CWC27: variants seen among roughly 807,000 people sequenced by gnomAD.
The protein encoded by CWC27 is CWC27 spliceosome associated cyclophilin.
CWC27 carries 47 observed loss-of-function variants against 63.6 expected under a neutral mutation model. The observed-to-expected ratio is 0.74, with a 90% CI of 0.58 to 0.94. CWC27 has a LOEUF of 0.94. Ranked by LOEUF, CWC27 falls within the 40% of genes least tolerant of loss-of-function variation. The pLI is 0.00. For missense variants in CWC27, 495 were observed against 554.3 expected (o/e 0.89, Z 1.07); for synonymous variants, 175 against 179.8 (o/e 0.97, Z 0.22).
At position 64,850,331 on chromosome 5, in the gene CWC27, T is replaced by A. The variant is rs565902532; in HGVS notation, c.939-35112T>A. ...TTTGACAAAGGGCCAAAAACCTGCA[T>A]TGGGAAAAGGATAGTCTCATCAATA... is the stretch of plus-strand genomic sequence containing the variant. On this transcript the variant is annotated intron_variant, in intron 10 of 13. Coordinates refer to ENST00000381070, the MANE Select transcript of CWC27 (RefSeq NM_005869.4). Among the ~76,000 whole-genome samples, 13 of 151,822 alleles carry A rather than the reference T, an allele frequency of 8.6e-5. 1 individual carries two copies. In the South Asian group the frequency reaches 2.7e-3, roughly 32 times the overall value.
At chr5:64,792,083 C>G (rs1744102238) in intron 7 of CWC27, among the ~76,000 whole-genome samples, 1 of 152,050 alleles carries the variant, frequency 6.6e-6, no homozygotes. Context: ...TTTTTACTGT[C>G]TCTTTACTAT....
chr5:64,964,189 A>T, intron 11 of CWC27, among the ~76,000 whole-genome samples: 1 of 152,194 alleles, frequency 6.6e-6, no homozygotes, highest in South Asian at 2.1e-4. Context: ...TGGACAGAAA[A>T]AATTACCAAA....
At chr5:64,985,714 C>G (rs1749412410) in intron 13 of CWC27, among the ~76,000 whole-genome samples, 1 of 152,090 alleles carries the variant, frequency 6.6e-6, no homozygotes, top group African/African-American at 2.4e-5. Flanking sequence ...TCTTTCTACT[C>G]TGTATGACAT....
intron 10 of CWC27, among the ~76,000 whole-genome samples, chr5:64,849,376 T>TAAA (rs1301372075): frequency 3.3e-5 from 5 of 152,214 alleles, no homozygotes; most frequent in African/African-American, 1.2e-4. Context: ...TTAATGTTGT[T>TAAA]AAAATGTACA....
chr5:64,785,168 G>A (rs1486392138), intron 4 of CWC27, among the ~76,000 whole-genome samples: 1 of 152,078 alleles, frequency 6.6e-6, no homozygotes, highest in African/African-American at 2.4e-5. Context: ...CTATTCCAAA[G>A]TTTAAATTTG....
Position 64,958,563 on chromosome 5 carries a change from T to C in CWC27, c.1043-13140T>C, listed in dbSNP as rs1748845365. ...TAAAACTCCTAGATATGAACTCATATATTCACAAGCTACCCTTCTCTAATG... is the reference window on the plus strand; with the variant it reads ...TAAAACTCCTAGATATGAACTCATACATTCACAAGCTACCCTTCTCTAATG... On this transcript the variant is annotated intron_variant, in intron 11 of 13. Coordinates refer to ENST00000381070, the MANE Select transcript of CWC27 (RefSeq NM_005869.4). Among the ~76,000 whole-genome samples, 3 of 152,208 alleles carry C rather than the reference T, an allele frequency of 2.0e-5. No individual in the cohort carries two copies. The South Asian group carries it at 6.2e-4, about 31-fold the overall frequency.
At chr5:64,777,520 T>C (rs1468144841) in intron 2 of CWC27, among the ~76,000 whole-genome samples, 2 of 152,046 alleles carry the variant, frequency 1.3e-5, no homozygotes. Flanking sequence ...GCAAGAAATA[T>C]AATTAGTCAA....
chr5:64,901,337 T>A (rs903929342), intron 11 of CWC27, among the ~76,000 whole-genome samples: 1 of 151,844 alleles, frequency 6.6e-6, no homozygotes, highest in Non-Finnish European at 1.5e-5. Context: ...GGCAGGTGCC[T>A]GTAGTCCCAG....
At chr5:64,911,331 ATATTAG>A (rs1465961549) in intron 11 of CWC27, among the ~76,000 whole-genome samples, 1 of 152,216 alleles carries the variant, frequency 6.6e-6, no homozygotes, top group Non-Finnish European at 1.5e-5. Flanking sequence ...ATAAATAGAA[ATATTAG>A]TATAGAGTGG....
chr5:64,789,998 G>A (rs532143083), intron 7 of CWC27, among the ~76,000 whole-genome samples: 19 of 151,960 alleles, frequency 1.3e-4, no homozygotes, highest in Non-Finnish European at 1.8e-4. Context: ...TAGTGAGCAC[G>A]GTTTTGCAGG....
rs1743140901 is a variant in CWC27 at position 64,769,090 on chromosome 5, TGGCC to T, written c.-47_-44del. On this transcript the variant is annotated 5_prime_UTR_variant, in exon 1 of 14. Coordinates refer to ENST00000381070, the MANE Select transcript of CWC27 (RefSeq NM_005869.4). ...TGTACTCGTAGGCGGACAGCTTTAG[TGGCC>T]GGCCGGCCGCTCTCATCCCCCGTAA... 7 of 1,485,446 alleles carry T rather than the reference TGGCC, an allele frequency of 4.7e-6. No individual in the cohort carries two copies. The highest frequency in any genetic ancestry group is 2.8e-5 in the African/African-American group (2 of 70,920). The allele number at this position is 1,485,446 out of a possible 1,614,324, so 92.0% of individuals were successfully genotyped here. A position where few individuals can be genotyped will look rare whatever the true frequency, so the allele number is the denominator to read the frequency against.
intron 11 of CWC27, among the ~76,000 whole-genome samples, chr5:64,950,314 T>C (rs927227710): frequency 6.7e-6 from 1 of 150,022 alleles, no homozygotes; most frequent in East Asian, 1.9e-4. Context: ...ATAAGTGTTT[T>C]TTTTCCAATC....
At chr5:64,840,386 AAAAAAAAAAT>A (rs1405597995) in intron 10 of CWC27, among the ~76,000 whole-genome samples, 18 of 56,816 alleles carry the variant, frequency 3.2e-4, no homozygotes, top group Admixed American at 6.1e-4. Flanking sequence ...AAAAAAAAAA[AAAAAAAAAAT>A]ATATATATAT....
chr5:64,832,129 T>A (rs1745538842), intron 10 of CWC27, among the ~76,000 whole-genome samples: 1 of 151,896 alleles, frequency 6.6e-6, no homozygotes, highest in African/African-American at 2.4e-5. Flanking sequence ...TTAAAATCCA[T>A]TGGTTTATTT....
At chr5:64,937,414 A>G (rs1231083003) in intron 11 of CWC27, among the ~76,000 whole-genome samples, 1 of 152,154 alleles carries the variant, frequency 6.6e-6, no homozygotes, top group Non-Finnish European at 1.5e-5. Flanking sequence ...GTTTTGAGTG[A>G]CTTTCTTAAT....
chr5:64,922,894 C>T (rs887749013), intron 11 of CWC27, among the ~76,000 whole-genome samples: 1 of 152,194 alleles, frequency 6.6e-6, no homozygotes, highest in African/African-American at 2.4e-5. Context: ...GGCGCGGGCT[C>T]AGCTTCACAC....
chr5:64,830,268 G>A (rs1745482564), intron 10 of CWC27, among the ~76,000 whole-genome samples: 1 of 151,608 alleles, frequency 6.6e-6, no homozygotes, highest in Non-Finnish European at 1.5e-5. Context: ...AGAACATGCA[G>A]TATTTGGTTT....
chr5:64,881,326 C>T (rs967802567), intron 10 of CWC27, among the ~76,000 whole-genome samples: 2 of 152,048 alleles, frequency 1.3e-5, no homozygotes, highest in Non-Finnish European at 2.9e-5. Context: ...GATATGACTA[C>T]ATTAATATAG....
At chr5:64,787,882 A>G (rs1209906749) in intron 6 of CWC27, among the ~76,000 whole-genome samples, 1 of 152,270 alleles carries the variant, frequency 6.6e-6, no homozygotes, top group South Asian at 2.1e-4. Context: ...TTCCTATAAA[A>G]TGGAGATTAG....
Sources: allele counts gnomAD v4.1 joint callset (sites outside exome capture counted in the v4.1 genomes callset), GRCh38; gene constraint gnomAD v4.1.1; transcripts MANE v1.5; gene names NCBI Gene and HGNC (gene_info 2026-07-23, HGNC 2026-07-21).